The following PLCG2 variants were observed in gnomAD, a reference collection of about 807,000 sequenced individuals.
The protein encoded by PLCG2 is phospholipase C gamma 2.
PLCG2 carries 69 observed loss-of-function variants against 175.6 expected under a neutral mutation model. That is an observed-to-expected ratio of 0.39 (90% CI 0.32 to 0.48). The LOEUF (loss-of-function observed/expected upper bound fraction) is 0.48. Among genes scored for constraint, PLCG2 ranks in the 20% least tolerant of loss-of-function variants. The pLI, the probability that PLCG2 is intolerant of heterozygous loss-of-function variation, is 0.91. For synonymous variants in PLCG2, 827 were observed against 624.0 expected, an observed-to-expected ratio of 1.33 and a Z score of -4.85; for missense variants, 1,798 against 1,650.9, an observed-to-expected ratio of 1.09 and a Z score of -1.54.
intron 5 of PLCG2, 102 bp downstream of exon 5, chr16:81,859,265 T>C (rs2143491281): frequency 1.3e-6 from 1 of 759,276 alleles, no homozygotes; most frequent in African/African-American, 1.7e-5. Context: ...GGGAGCAAGG[T>C]CCTCACTGCG....
At chr16:81,917,488 C>G (rs1229310904) in intron 19 of PLCG2, among the ~76,000 whole-genome samples, 1 of 152,094 alleles carries the variant, frequency 6.6e-6, no homozygotes, top group East Asian at 1.9e-4. Context: ...TCCATAGTGG[C>G]TATGCTAATT....
intron 1 of PLCG2, among the ~76,000 whole-genome samples, chr16:81,780,731 T>C (rs898153949): frequency 1.3e-5 from 2 of 152,084 alleles, no homozygotes; most frequent in Non-Finnish European, 2.9e-5. Context: ...AGAAAACTTT[T>C]GAAAACATTT....
chr16:81,747,289 C>T (rs1441163718), intron 1 of PLCG2, among the ~76,000 whole-genome samples: 2 of 152,204 alleles, frequency 1.3e-5, no homozygotes, highest in Non-Finnish European at 1.5e-5. Flanking sequence ...AAGCCCAGCA[C>T]TTTGGGAGGC....
chr16:81,842,497 C>T (rs906334075), intron 2 of PLCG2, among the ~76,000 whole-genome samples: 1 of 152,154 alleles, frequency 6.6e-6, no homozygotes, highest in East Asian at 1.9e-4. Context: ...AACTGAAAGT[C>T]GGAAAAGAGG....
At chr16:81,781,533 C>T (rs4888175) in intron 1 of PLCG2, among the ~76,000 whole-genome samples, 52,732 of 151,894 alleles carry the variant, frequency 0.35, 9,450 homozygotes, top group East Asian at 0.53. Context: ...GAAGCATATG[C>T]GTGTTTTGCT....
chr16:81,887,119 T>G (rs903363885), intron 9 of PLCG2, among the ~76,000 whole-genome samples: 92 of 142,060 alleles, frequency 6.5e-4, no homozygotes, highest in Non-Finnish European at 1.3e-3. Flanking sequence ...GGCAAAGTTG[T>G]TTTTTTTTTT....
intron 2 of PLCG2, among the ~76,000 whole-genome samples, chr16:81,809,651 C>T (rs1424359966): frequency 2.6e-5 from 4 of 152,052 alleles, no homozygotes; most frequent in Non-Finnish European, 5.9e-5. Flanking sequence ...CTTGGGCCAC[C>T]CTGGGACTTG....
At chr16:81,793,753 A>G (rs868123488) in intron 2 of PLCG2, among the ~76,000 whole-genome samples, 1 of 152,172 alleles carries the variant, frequency 6.6e-6, no homozygotes, top group African/African-American at 2.4e-5. Flanking sequence ...AAGGCACATC[A>G]AAGATAACTC....
At chr16:81,893,896 A>G (rs1051678078) in intron 12 of PLCG2, 102 bp downstream of exon 12, 2 of 680,400 alleles carry the variant, frequency 2.9e-6, no homozygotes, top group East Asian at 5.5e-5. Context: ...GTTTTAATGG[A>G]CACATAATAA....
intron 1 of PLCG2, among the ~76,000 whole-genome samples, chr16:81,750,090 C>G (rs904797333): frequency 6.6e-6 from 1 of 151,934 alleles, no homozygotes; most frequent in African/African-American, 2.4e-5. Context: ...TATGTTTTAG[C>G]AAACATAGAA....
At chr16:81,783,717 C>G (rs999845032) in intron 1 of PLCG2, among the ~76,000 whole-genome samples, 1 of 152,210 alleles carries the variant, frequency 6.6e-6, no homozygotes, top group Non-Finnish European at 1.5e-5. Flanking sequence ...GGCTGCTTAA[C>G]AAGGATGAAA....
At chr16:81,783,743 C>T (rs548977302) in intron 1 of PLCG2, among the ~76,000 whole-genome samples, 1 of 152,288 alleles carries the variant, frequency 6.6e-6, no homozygotes, top group Non-Finnish European at 1.5e-5. Flanking sequence ...CATGGGGGCA[C>T]CTTGTTCATC....
chr16:81,767,834 T>G (rs1254192357), intron 2 of PLCG2: 2 of 152,258 alleles, frequency 1.3e-5, no homozygotes, highest in East Asian at 3.8e-4. Flanking sequence ...TCTTCCAGAA[T>G]GTCATATATA....
intron 19 of PLCG2, among the ~76,000 whole-genome samples, chr16:81,913,090 G>T (rs1332045515): frequency 6.6e-6 from 1 of 152,224 alleles, no homozygotes; most frequent in Non-Finnish European, 1.5e-5. Flanking sequence ...AGCCCAGGCA[G>T]CCCAGGCCTG....
intron 2 of PLCG2, among the ~76,000 whole-genome samples, chr16:81,771,350 C>T (rs191523284): frequency 6.6e-6 from 1 of 152,284 alleles, no homozygotes; most frequent in East Asian, 1.9e-4. Flanking sequence ...ATCTCAGCCT[C>T]CCAAGTAGCC....
At chr16:81,814,456 A>G (rs527351993) in intron 2 of PLCG2, among the ~76,000 whole-genome samples, 2 of 152,032 alleles carry the variant, frequency 1.3e-5, no homozygotes, top group Non-Finnish European at 2.9e-5. Flanking sequence ...ACTTGTGGAG[A>G]TTGAGGCGGG....
intron 2 of PLCG2, among the ~76,000 whole-genome samples, chr16:81,800,551 C>T (rs536896270): frequency 1.2e-4 from 18 of 151,968 alleles, no homozygotes; most frequent in Non-Finnish European, 2.2e-4. Context: ...GATCTCGTTC[C>T]GTTTTATGGC....
rs952068380 is a variant in PLCG2, at chr16:81,961,053, A to C, written c.*3055A>C. The C allele has an allele frequency of 7.8e-5, 18 of 231,522 alleles. No homozygotes were observed. The highest frequency in any genetic ancestry group is 1.3e-3 in the Middle Eastern group (1 of 796). 14.3% of individuals were successfully genotyped at this position (231,522 alleles called of 1,614,324 possible). On this transcript the variant is annotated 3_prime_UTR_variant, in exon 33 of 33. Coordinates refer to ENST00000564138, the MANE Select transcript of PLCG2 (RefSeq NM_002661.5). ...AAAGTGAAAGACTTATCAACAGGGC[A>C]CAAATCTTTTTGCAAATGGATTTTC...
At chr16:81,902,187 G>A (rs755929893) in intron 14 of PLCG2, among the ~76,000 whole-genome samples, 5 of 152,324 alleles carry the variant, frequency 3.3e-5, no homozygotes, top group East Asian at 1.9e-4. Flanking sequence ...AGTCCCTAGC[G>A]GGGCAGCCTT....
Sources: gnomAD v4.1 joint callset for allele counts (sites outside exome capture counted in the v4.1 genomes callset) on GRCh38, gnomAD v4.1.1 for gene constraint, MANE v1.5 for transcripts, NCBI Gene and HGNC (gene_info 2026-07-23, HGNC 2026-07-21) for gene names.